FBXL17: variants seen among roughly 807,000 people sequenced by gnomAD.
FBXL17 encodes F-box and leucine rich repeat protein 17.
FBXL17 carries 22 observed loss-of-function variants against 66.2 expected under a neutral mutation model. The observed-to-expected ratio is 0.33, with a 90% CI of 0.24 to 0.47. The LOEUF (loss-of-function observed/expected upper bound fraction) is 0.47, where lower values mean the gene tolerates loss of function less well. Ranked by LOEUF, FBXL17 falls within the 20% of genes least tolerant of loss-of-function variation. The pLI is 1.00. For synonymous variants in FBXL17, 474 were observed against 400.5 expected (o/e 1.18, Z -2.19); for missense variants, 878 against 948.2 (o/e 0.93, Z 0.97).
In FBXL17 at chr5:107,995,300, C is replaced by T. The variant is rs1196985860; in HGVS notation, c.1822+25625G>A. On this transcript the variant is annotated intron_variant, in intron 7 of 8. Transcript: ENST00000542267. ...AATGATTCAATGTTTTACAAGTCAA[C>T]TATTTCCTATTTAACCTGATTTATT... Among the ~76,000 whole-genome samples, 5 of 152,250 alleles carry T rather than the reference C, an allele frequency of 3.3e-5. No individual in the cohort carries two copies. In the East Asian group the frequency reaches 9.6e-4, roughly 29 times the overall value.
rs1312283937 is a variant in FBXL17 at position 107,860,836 on chromosome 5, T to C, written c.*884A>G. Reference sequence around the variant, plus strand: ...ATTAAGAAAATAATGAAATGATCTGTAGTTTTTAAAATAACTGCACACCAT... The same window carrying C: ...ATTAAGAAAATAATGAAATGATCTGCAGTTTTTAAAATAACTGCACACCAT... On this transcript the variant is annotated 3_prime_UTR_variant, in exon 9 of 9. Transcript: ENST00000542267. 1 of 152,320 alleles carries C rather than the reference T, an allele frequency of 6.6e-6. No homozygotes were observed. The highest frequency in any genetic ancestry group is 1.5e-5 in the Non-Finnish European group (1 of 68,038). 9.4% of individuals were successfully genotyped at this position (152,320 alleles called of 1,614,324 possible). A position where few individuals can be genotyped will look rare whatever the true frequency, so the allele number is the denominator to read the frequency against.
At chr5:108,302,057 C>T in intron 4 of FBXL17, 1 of 984,320 alleles carries the variant, frequency 1.0e-6, no homozygotes, top group Non-Finnish European at 1.2e-6. Context: ...CATCATATGT[C>T]TTTCTGAAAA....
chr5:108,108,500 T>G (rs1160050895), intron 6 of FBXL17, among the ~76,000 whole-genome samples: 2 of 152,214 alleles, frequency 1.3e-5, no homozygotes, highest in Non-Finnish European at 2.9e-5. Context: ...AAAGGTTTGA[T>G]AGATTCATGA....
chr5:108,234,552 C>A (rs1755512220), intron 4 of FBXL17, among the ~76,000 whole-genome samples: 1 of 121,002 alleles, frequency 8.3e-6, no homozygotes, highest in Non-Finnish European at 1.9e-5. Flanking sequence ...AAGAGCAAAT[C>A]CAAGGCCTTC....
chr5:108,236,404 T>C (rs866782656), intron 4 of FBXL17, among the ~76,000 whole-genome samples: 1 of 150,968 alleles, frequency 6.6e-6, no homozygotes, highest in African/African-American at 2.4e-5. Flanking sequence ...TCCCAGCTAC[T>C]CAGGAGGCTG....
chr5:108,075,859 T>C (rs981896905), intron 6 of FBXL17, among the ~76,000 whole-genome samples: 3 of 152,208 alleles, frequency 2.0e-5, no homozygotes, highest in Non-Finnish European at 2.9e-5. Flanking sequence ...ATTATTTGTG[T>C]TTGTCTGTAT....
chr5:107,911,584 T>C (rs1483002303), intron 7 of FBXL17, among the ~76,000 whole-genome samples: 1 of 152,110 alleles, frequency 6.6e-6, no homozygotes, highest in Admixed American at 6.6e-5. Context: ...GCTGAGGAAA[T>C]GAAGGCATCC....
intron 6 of FBXL17, among the ~76,000 whole-genome samples, chr5:108,103,146 T>A (rs760551070): frequency 6.6e-6 from 1 of 152,236 alleles, no homozygotes; most frequent in Non-Finnish European, 1.5e-5. Context: ...AGTTAATCTG[T>A]CTTTGCTCTG....
chr5:108,245,042 T>C (rs556216320), intron 4 of FBXL17, among the ~76,000 whole-genome samples: 59 of 152,258 alleles, frequency 3.9e-4, no homozygotes, highest in Non-Finnish European at 6.3e-4. Context: ...AGCAAAATAG[T>C]GAAGTTTCTT....
At chr5:108,132,108 C>T (rs1047104961) in intron 6 of FBXL17, among the ~76,000 whole-genome samples, 7 of 151,934 alleles carry the variant, frequency 4.6e-5, no homozygotes, top group African/African-American at 1.7e-4. Flanking sequence ...TCCCTAGTAT[C>T]TGGGATTACA....
At chr5:108,163,399 C>T (rs59499409) in intron 6 of FBXL17, among the ~76,000 whole-genome samples, 217 of 129,488 alleles carry the variant, frequency 1.7e-3, no homozygotes, top group Middle Eastern at 8.1e-3. Flanking sequence ...TTTTTTTTTT[C>T]TTTTTTTTTT....
chr5:108,145,210 C>A (rs891630771), intron 6 of FBXL17, among the ~76,000 whole-genome samples: 25 of 152,228 alleles, frequency 1.6e-4, no homozygotes, highest in African/African-American at 5.3e-4. Flanking sequence ...ATGAAGTTTA[C>A]TGGTCAGATA....
At chr5:108,219,928 C>CTT in intron 5 of FBXL17, among the ~76,000 whole-genome samples, 1,290 of 37,374 alleles carry the variant, frequency 0.035, 19 homozygotes, top group African/African-American at 0.049. Context: ...TTACTATTTC[C>CTT]TTTTTTTTTT....
chr5:107,880,416 G>A (rs1454075314), intron 8 of FBXL17: 2 of 988,480 alleles, frequency 2.0e-6, no homozygotes, highest in African/African-American at 3.5e-5. Flanking sequence ...CACGTTAAAT[G>A]CTACACCATT....
At chr5:108,060,213 A>G (rs184640155) in intron 6 of FBXL17, among the ~76,000 whole-genome samples, 14 of 152,012 alleles carry the variant, frequency 9.2e-5, no homozygotes, top group Admixed American at 2.0e-4. Context: ...CACTAAAAAT[A>G]TATTGATTGG....
intron 6 of FBXL17, among the ~76,000 whole-genome samples, chr5:108,042,144 G>A (rs571776397): frequency 7.2e-5 from 11 of 151,934 alleles, no homozygotes; most frequent in Non-Finnish European, 1.3e-4. Flanking sequence ...ATCTGCCTCC[G>A]TGGCCTCCCA....
intron 7 of FBXL17, among the ~76,000 whole-genome samples, chr5:107,989,806 A>G (rs988022452): frequency 3.9e-5 from 6 of 152,078 alleles, no homozygotes; most frequent in African/African-American, 1.4e-4. Context: ...GCAGCTTGTA[A>G]TATTTCTACA....
intron 5 of FBXL17, among the ~76,000 whole-genome samples, chr5:108,213,156 G>T (rs566156337): frequency 6.6e-6 from 1 of 152,190 alleles, no homozygotes; most frequent in South Asian, 2.1e-4. Flanking sequence ...CCCCTACCGA[G>T]CTTGAGCCAC....
At chr5:108,308,144 T>C (rs903710353) in intron 4 of FBXL17, among the ~76,000 whole-genome samples, 16 of 151,984 alleles carry the variant, frequency 1.1e-4, no homozygotes, top group Non-Finnish European at 2.2e-4. Context: ...TTCACTATCA[T>C]GACTTTTTAA....
Sources: allele counts gnomAD v4.1 joint callset (sites outside exome capture counted in the v4.1 genomes callset), GRCh38; gene constraint gnomAD v4.1.1; transcripts MANE v1.5; gene names NCBI Gene and HGNC (gene_info 2026-07-23, HGNC 2026-07-21).